The following ERCC2 variants were observed in gnomAD, a reference collection of about 807,000 sequenced individuals.
ERCC2 encodes the protein ERCC excision repair 2, TFIIH core complex helicase subunit.
ERCC2 carries 90 observed loss-of-function variants against 99.4 expected under a neutral mutation model. The observed-to-expected ratio is 0.91, with a 90% CI of 0.76 to 1.08. ERCC2 has a LOEUF of 1.08. Among genes scored for constraint, ERCC2 ranks in the 50% least tolerant of loss-of-function variants. The probability of loss-of-function intolerance (pLI) is 0.00; values close to 1 mark genes in which losing one functional copy is unlikely to be tolerated. For missense variants in ERCC2, 993 were observed against 1,038.1 expected (o/e 0.96, Z 0.60); for synonymous variants, 497 against 432.4 (o/e 1.15, Z -1.85).
Position 45,352,244 on chromosome 19 carries a change from A to C in ERCC2, c.2155T>G (p.Tyr719Asp), listed in dbSNP as rs1318842291. ...TVDEGVQVAK[Y>D]FLRQMAQPFH... The stretch of plus-strand genomic sequence containing the variant: ...GGCTGTGCCATCTGCCGCAGGAAGT[A>C]CTTGGCCACCTGGACACCCTCGTCC... The change falls in exon 22 of 23, where the codon TAC becomes GAC. Residue 719 changes from tyrosine (Y) to aspartate (D), a missense_variant. Transcript: ENST00000391945. 2 of 1,613,978 alleles carry C rather than the reference A, an allele frequency of 1.2e-6. No individual in the cohort carries two copies. Among genetic ancestry groups the C allele is most frequent in the Non-Finnish European group, 1.7e-6 (2 of 1,180,024 alleles).
At position 45,354,801 on chromosome 19, in the gene ERCC2, G is replaced by A; in HGVS notation, c.1594C>T (p.Pro532Ser). The change falls in exon 17 of 23, where the codon CCT becomes TCT. Residue 532 changes from proline (P) to serine (S), a missense_variant. Pro to Ser is a moderately conservative substitution (Grantham distance 74, BLOSUM62 -1). Transcript: ENST00000391945. ...GTGAAGAAGGCCACGATGCCATCAGGGACCACAGCGGACATCTCCAGCAGG... is the reference window on the plus strand; with the variant it reads ...GTGAAGAAGGCCACGATGCCATCAGAGACCACAGCGGACATCTCCAGCAGG... ...NLLLEMSAVVPDGIVAFFTSY... is the reference protein window; with the variant it reads ...NLLLEMSAVVSDGIVAFFTSY... 2.5e-6 allele frequency: 4 copies of A among 1,614,092 alleles called. No homozygotes were observed. Among genetic ancestry groups the A allele is most frequent in the South Asian group, 1.1e-5 (1 of 91,080 alleles).
Position 45,353,331 on chromosome 19 carries a change from T to A in ERCC2, c.1669A>T (p.Ile557Phe). Residue 557 changes from isoleucine (I) to phenylalanine (F), a missense_variant, in exon 18 of 23, where the codon ATC becomes TTC. Physicochemically the swap from Ile to Phe is conservative, Grantham distance 21. Coordinates refer to ENST00000391945, the MANE Select transcript of ERCC2 (RefSeq NM_000400.4). The stretch of plus-strand genomic sequence containing the variant: ...TTGTTCCTCTGGATGTTCTCAAGGA[T>A]CCCCTGGGGAAGGACCCAGGGAGGT... ...STVASWYEQG[I>F]LENIQRNKLL... 1 of 1,613,208 alleles carries A rather than the reference T, an allele frequency of 6.2e-7. No individual in the cohort carries two copies. Among genetic ancestry groups the A allele is most frequent in the African/African-American group, 1.3e-5 (1 of 74,912 alleles).
At chr19:45,359,894 G>A (rs1972151055) in intron 12 of ERCC2, among the ~76,000 whole-genome samples, 2 of 150,918 alleles carry the variant, frequency 1.3e-5, no homozygotes, top group Admixed American at 1.3e-4. Context: ...CCTGTCTCAG[G>A]CTCCTGAGTA....
In ERCC2 at chr19:45,354,716, G is replaced by A; in HGVS notation, c.1665+14C>T. 6.2e-7 allele frequency: 1 copy of A among 1,613,530 alleles called. No homozygotes were observed. The highest frequency in any genetic ancestry group is 1.1e-5 in the South Asian group (1 of 91,078). ...TGAGGAGAGCAGGTGCAGGGAGGGGGTGGCCAGGCGTACCTGCTCATACCA... is the reference window on the plus strand; with the variant it reads ...TGAGGAGAGCAGGTGCAGGGAGGGGATGGCCAGGCGTACCTGCTCATACCA... On this transcript the variant is annotated intron_variant, in intron 17 of 22. Transcript: ENST00000391945.
rs1429421212 is a variant in ERCC2, at chr19:45,353,156, C to T, written c.1759-1G>A. 6.2e-7 allele frequency: 1 copy of T among 1,613,810 alleles called. No individual in the cohort carries two copies. Among genetic ancestry groups the T allele is most frequent in the Non-Finnish European group, 8.5e-7 (1 of 1,179,988 alleles). ...TGGCCCCGCGGCCATTCTCGCAGGC[C>T]TGAGGTGGGGAGACCGAGACGCAAG... On this transcript the variant is annotated splice_acceptor_variant, in intron 18 of 22. Coordinates refer to ENST00000391945, the MANE Select transcript of ERCC2 (RefSeq NM_000400.4). LOFTEE classifies it high-confidence loss of function.
rs377105559 is a variant in ERCC2, at chr19:45,352,659, C to G, written c.1903-10G>C. ...GGTATTCCAGCCGCGCCTGCAGATA[C>G]GGAGGATGAGAAGCTGGGGAGGTGG... On this transcript the variant is annotated splice_polypyrimidine_tract_variant and intron_variant, in intron 20 of 22. Coordinates refer to ENST00000391945, the MANE Select transcript of ERCC2 (RefSeq NM_000400.4). The G allele has an allele frequency of 1.9e-6, 3 of 1,613,968 alleles. No homozygotes were observed. Among genetic ancestry groups the G allele is most frequent in the Non-Finnish European group, 2.5e-6 (3 of 1,180,020 alleles).
chr19:45,361,939 CTTTTTT>C (rs1329828108), intron 11 of ERCC2: 26 of 382,982 alleles, frequency 6.8e-5, no homozygotes, highest in South Asian at 5.4e-4. Flanking sequence ...TTTTCTTTTT[CTTTTTT>C]TTCTTTGTTC....
chr19:45,365,681 C>T (rs1477702557), intron 5 of ERCC2, among the ~76,000 whole-genome samples: 2 of 151,536 alleles, frequency 1.3e-5, no homozygotes, highest in African/African-American at 4.8e-5. Flanking sequence ...ATCCCAGCTA[C>T]TCGGGAGGCT....
chr19:45,351,607 T>C lies in ERCC2; in HGVS notation c.*22A>G, dbSNP rs766318930. 85 of 1,613,050 alleles carry C rather than the reference T, an allele frequency of 5.3e-5. No homozygotes were observed. Among genetic ancestry groups the C allele is most frequent in the Non-Finnish European group, 6.9e-5 (81 of 1,179,754 alleles). On this transcript the variant is annotated 3_prime_UTR_variant, in exon 23 of 23. Coordinates refer to ENST00000391945, the MANE Select transcript of ERCC2 (RefSeq NM_000400.4). ...AAGACTCAGGAGTCACCAGGAACCG[T>C]TTATGGCCCCACCCGCCCCACTCAG... is the stretch of plus-strand genomic sequence containing the variant.
Position 45,350,861 on chromosome 19 carries a change from T to C in ERCC2, c.*768A>G, listed in dbSNP as rs1599718788. ...TCCATGGCTCCCATCTCCCCTGTGA[T>C]ACACACAGATCAAACCCTGTGCTGG... On this transcript the variant is annotated 3_prime_UTR_variant, in exon 23 of 23. Transcript: ENST00000391945. 1.4e-6 allele frequency: 2 copies of C among 1,434,492 alleles called. No homozygotes were observed. The highest frequency in any genetic ancestry group is 1.9e-6 in the Non-Finnish European group (2 of 1,028,558). The allele number at this position is 1,434,492 out of a possible 1,614,324, so 88.9% of individuals were successfully genotyped here.
chr19:45,353,091 A>G lies in ERCC2; in HGVS notation c.1823T>C (p.Ile608Thr). 6.2e-7 allele frequency: 1 copy of G among 1,612,996 alleles called. No individual in the cohort carries two copies. Residue 608 changes from isoleucine (I) to threonine (T), a missense_variant, in exon 19 of 23, where the codon ATC becomes ACC. By Grantham distance (89) the Ile-to-Thr change is moderately conservative. Transcript: ENST00000391945. ...GAGCCCAGTCCACTCACCAAAGTCG[A>G]TTCCCTCGGACACTTTGCCCCGGGC... is the stretch of plus-strand genomic sequence containing the variant. The part of the protein sequence containing the change: ...SVARGKVSEG[I>T]DFVHHYGRAV...
At chr19:45,368,873 G>A (rs907420852) in intron 4 of ERCC2, 57 bp downstream of exon 4, 5 of 1,596,114 alleles carry the variant, frequency 3.1e-6, no homozygotes, top group African/African-American at 1.3e-5. Flanking sequence ...CCGCCAGGGG[G>A]ACCAATAGGG....
chr19:45,358,980 A>G (rs1352609554), intron 12 of ERCC2: 2 of 710,264 alleles, frequency 2.8e-6, no homozygotes, highest in Non-Finnish European at 5.2e-6. Flanking sequence ...AAAAAAAATC[A>G]AGTCCTCTGT....
At chr19:45,351,832 A>T in intron 22 of ERCC2, 111 bp from the exon 23 acceptor site, 1 of 958,224 alleles carries the variant, frequency 1.0e-6, no homozygotes. Context: ...AGGATGTTTG[A>T]ATGAATTTGG....
chr19:45,363,625 C>T (rs920114511), intron 11 of ERCC2, 118 bp downstream of exon 11: 4 of 1,223,242 alleles, frequency 3.3e-6, no homozygotes, highest in East Asian at 5.1e-5. Context: ...ACGTGCCTCG[C>T]CCAGCTCACT....
At chr19:45,352,955 AG>A (rs1365741303) in intron 19 of ERCC2, 127 bp downstream of exon 19, 1 of 1,190,182 alleles carries the variant, frequency 8.4e-7, no homozygotes, top group African/African-American at 1.5e-5. Flanking sequence ...GACAGAGGGG[AG>A]GGGAGGGCCC....
chr19:45,364,799 TCA>T (rs1372403933), intron 7 of ERCC2, 37 bp downstream of exon 7: 1 of 1,511,590 alleles, frequency 6.6e-7, no homozygotes, highest in Admixed American at 1.7e-5. Context: ...GCCCACACCC[TCA>T]CACTCGCCCC....
chr19:45,351,686 C>T lies in ERCC2; in HGVS notation c.2226G>A (p.Glu742=), dbSNP rs1159194411. The T allele has an allele frequency of 6.8e-6, 11 of 1,613,990 alleles. No individual in the cohort carries two copies. The highest frequency in any genetic ancestry group is 9.3e-6 in the Non-Finnish European group (11 of 1,180,006). The change falls in exon 23 of 23, where the codon GAG becomes GAA. Residue 742 remains glutamate, a synonymous_variant. Transcript: ENST00000391945. ...DQLGLSLLSL[E]QLESEETLKR... ...TCAGCGTCTCCTCTGATTCTAGCTGCTCCAGGCTGAGCAGGGACAGGCCCA... is the reference window on the plus strand; with the variant it reads ...TCAGCGTCTCCTCTGATTCTAGCTGTTCCAGGCTGAGCAGGGACAGGCCCA...
Position 45,351,278 on chromosome 19 carries a change from G to A in ERCC2, c.*351C>T, listed in dbSNP as rs756541288. 8 of 1,612,234 alleles carry A rather than the reference G, an allele frequency of 5.0e-6. No homozygotes were observed. The highest frequency in any genetic ancestry group is 6.8e-6 in the Non-Finnish European group (8 of 1,179,862). ...TCCCCTCCAACCATCCCCTGTGCCTGTCTCCAGTTTCCCAGCTGGCACCTG... is the reference window on the plus strand; with the variant it reads ...TCCCCTCCAACCATCCCCTGTGCCTATCTCCAGTTTCCCAGCTGGCACCTG... On this transcript the variant is annotated 3_prime_UTR_variant, in exon 23 of 23. Transcript: ENST00000391945.
Sources: allele counts gnomAD v4.1 joint callset (sites outside exome capture counted in the v4.1 genomes callset), GRCh38; gene constraint gnomAD v4.1.1; transcripts MANE v1.5; gene names NCBI Gene and HGNC (gene_info 2026-07-23, HGNC 2026-07-21).